The following DYNC1I1 variants were observed in gnomAD, a reference collection of about 807,000 sequenced individuals.
DYNC1I1 encodes cytoplasmic dynein 1 intermediate chain 1.
A neutral mutation model predicts 86.6 loss-of-function variants in DYNC1I1; 43 were observed. The ratio of observed to expected loss-of-function variants is 0.50; its 90% confidence interval spans 0.39 to 0.64. The LOEUF (loss-of-function observed/expected upper bound fraction) is 0.64. DYNC1I1 is among the 30% of genes least tolerant of loss of function. The pLI is 0.00. For missense variants in DYNC1I1, 604 were observed against 788.8 expected, an observed-to-expected ratio of 0.77 and a Z score of 2.81; for synonymous variants, 262 against 283.7, an observed-to-expected ratio of 0.92 and a Z score of 0.77.
chr7:95,974,285 T>G (rs148798584), intron 6 of DYNC1I1, among the ~76,000 whole-genome samples: 118 of 152,324 alleles, frequency 7.7e-4, no homozygotes, highest in African/African-American at 2.7e-3. Context: ...ATTTTGTCTG[T>G]CTTGTTCCCT....
In DYNC1I1 at chr7:95,835,642, G is replaced by C. The variant is rs539153526; in HGVS notation, c.374+7526G>C. On this transcript the variant is annotated intron_variant, in intron 5 of 16. Coordinates refer to ENST00000447467, the MANE Select transcript of DYNC1I1 (RefSeq NM_001135556.2). ...GTAGGTCACTCAGGACTTTCTTTAT[G>C]AATCTGGGTGCTCCTGTATTGGGTG... Among the ~76,000 whole-genome samples the C allele has an allele frequency of 3.8e-3, 583 of 152,236 alleles. 4 individuals are homozygous for C. Among genetic ancestry groups the C allele is most frequent in the African/African-American group, 0.013 (549 of 41,522 alleles).
chr7:96,097,738 G>T lies in DYNC1I1; in HGVS notation c.*145G>T. ...CCATATTGTGCCAGCTTTGCTCCAA[G>T]TATTCTAAATGTGTCCCATCATGCT... On this transcript the variant is annotated 3_prime_UTR_variant, in exon 17 of 17. Coordinates refer to ENST00000447467, the MANE Select transcript of DYNC1I1 (RefSeq NM_001135556.2). 7.1e-7 allele frequency: 1 copy of T among 1,412,030 alleles called. No individual in the cohort carries two copies. Among genetic ancestry groups the T allele is most frequent in the Non-Finnish European group, 9.3e-7 (1 of 1,075,774 alleles). The allele number at this position is 1,412,030 out of a possible 1,614,324, so 87.5% of individuals were successfully genotyped here.
At chr7:95,893,748 T>G (rs944612516) in intron 6 of DYNC1I1, among the ~76,000 whole-genome samples, 6 of 152,200 alleles carry the variant, frequency 3.9e-5, no homozygotes, top group Non-Finnish European at 7.3e-5. Context: ...AAGGTTTGTT[T>G]CTTTGAGCTG....
chr7:95,811,336 G>T (rs1794826170), intron 3 of DYNC1I1, among the ~76,000 whole-genome samples: 1 of 151,952 alleles, frequency 6.6e-6, no homozygotes, highest in Non-Finnish European at 1.5e-5. Flanking sequence ...CCTTTTGGAA[G>T]AATACATAAA....
chr7:95,818,228 T>A (rs1034600505), intron 4 of DYNC1I1, among the ~76,000 whole-genome samples: 3 of 151,818 alleles, frequency 2.0e-5, no homozygotes, highest in Non-Finnish European at 4.4e-5. Flanking sequence ...TTGACCATCT[T>A]TGGTCTTAAC....
chr7:96,061,712 T>TCTCTCA (rs1554441137), intron 14 of DYNC1I1, among the ~76,000 whole-genome samples: 7 of 136,810 alleles, frequency 5.1e-5, no homozygotes, highest in African/African-American at 2.0e-4. Context: ...TCTCTCTCTC[T>TCTCTCA]CACACACACA....
chr7:96,090,091 G>A (rs1313584504), intron 16 of DYNC1I1, among the ~76,000 whole-genome samples: 1 of 152,026 alleles, frequency 6.6e-6, no homozygotes, highest in African/African-American at 2.4e-5. Context: ...CATCTTTTGG[G>A]CAGAGAAATA....
At chr7:95,816,745 G>A (rs929993824) in intron 4 of DYNC1I1, among the ~76,000 whole-genome samples, 1 of 152,094 alleles carries the variant, frequency 6.6e-6, no homozygotes, top group African/African-American at 2.4e-5. Flanking sequence ...AAAATGCAAG[G>A]TTATTTTAGT....
At chr7:95,835,479 C>G (rs1381503422) in intron 5 of DYNC1I1, among the ~76,000 whole-genome samples, 1 of 151,234 alleles carries the variant, frequency 6.6e-6, no homozygotes, top group Non-Finnish European at 1.5e-5. Context: ...CTGTAGATGT[C>G]TATTAGGTCT....
At chr7:96,001,760 C>T (rs979342934) in intron 10 of DYNC1I1, among the ~76,000 whole-genome samples, 1 of 152,172 alleles carries the variant, frequency 6.6e-6, no homozygotes, top group African/African-American at 2.4e-5. Flanking sequence ...AGGTCCCTAC[C>T]GTTATGACCT....
At chr7:95,877,970 C>T (rs1790352855) in intron 6 of DYNC1I1, among the ~76,000 whole-genome samples, 1 of 152,170 alleles carries the variant, frequency 6.6e-6, no homozygotes, top group Admixed American at 6.5e-5. Context: ...CAAGGCTGCG[C>T]CCTTCCAGGA....
At chr7:95,878,596 A>G (rs1790369736) in intron 6 of DYNC1I1, among the ~76,000 whole-genome samples, 2 of 152,216 alleles carry the variant, frequency 1.3e-5, no homozygotes, top group Admixed American at 6.5e-5. Flanking sequence ...GTGGGATACC[A>G]TTAAGCAAAT....
chr7:95,813,077 T>G, intron 3 of DYNC1I1, 170 bp from the exon 4 acceptor site: 16 of 1,393,022 alleles, frequency 1.1e-5, no homozygotes, highest in Non-Finnish European at 1.4e-5. Context: ...TCACTGGACT[T>G]TTTTCCTTTT....
intron 6 of DYNC1I1, among the ~76,000 whole-genome samples, chr7:95,905,384 T>C (rs1470200170): frequency 3.3e-5 from 5 of 152,176 alleles, no homozygotes; most frequent in Non-Finnish European, 7.4e-5. Context: ...CTCCCAGGAA[T>C]ACAAAACTCG....
chr7:96,075,927 C>T, intron 14 of DYNC1I1, 130 bp from the exon 15 acceptor site: 1 of 1,301,942 alleles, frequency 7.7e-7, no homozygotes, highest in South Asian at 1.5e-5. Context: ...TCCGGTTCAC[C>T]TTCTCGAGGA....
rs144239301 is a variant in DYNC1I1, at chr7:95,837,975, G to A, written c.374+9859G>A. Among the ~76,000 whole-genome samples, 1,400 of 152,276 alleles carry A rather than the reference G, an allele frequency of 9.2e-3. 22 individuals are homozygous for A. Among genetic ancestry groups the A allele is most frequent in the African/African-American group, 0.023 (959 of 41,552 alleles). On this transcript the variant is annotated intron_variant, in intron 5 of 16. Coordinates refer to ENST00000447467, the MANE Select transcript of DYNC1I1 (RefSeq NM_001135556.2). ...CTGTAGACCAGAGCTGTTCCTATTC[G>A]GCCATCTTGGCTCCTCCTGGTCCTG...
At chr7:95,976,607 T>C (rs1793308729) in intron 6 of DYNC1I1, among the ~76,000 whole-genome samples, 1 of 152,210 alleles carries the variant, frequency 6.6e-6, no homozygotes, top group Non-Finnish European at 1.5e-5. Context: ...AAGTCATTTC[T>C]TTTCAACTCT....
At chr7:95,842,995 GC>G (rs1445806266) in intron 5 of DYNC1I1, among the ~76,000 whole-genome samples, 1 of 152,062 alleles carries the variant, frequency 6.6e-6, no homozygotes, top group Non-Finnish European at 1.5e-5. Context: ...TTAAGGTCTT[GC>G]TTTTAAGATT....
intron 1 of DYNC1I1, among the ~76,000 whole-genome samples, chr7:95,789,466 T>C (rs1006596660): frequency 2.0e-5 from 3 of 152,202 alleles, no homozygotes; most frequent in Non-Finnish European, 4.4e-5. Context: ...GTTTGTACTT[T>C]GGAGTATTGA....
Sources: allele counts gnomAD v4.1 joint callset (sites outside exome capture counted in the v4.1 genomes callset), GRCh38; gene constraint gnomAD v4.1.1; transcripts MANE v1.5; gene names NCBI Gene and HGNC (gene_info 2026-07-23, HGNC 2026-07-21).